The following SEMA3C variants were observed in gnomAD, a reference collection of about 807,000 sequenced individuals.
SEMA3C encodes the protein semaphorin 3C, also known as semaphorin-3C.
A neutral mutation model predicts 89.4 loss-of-function variants in SEMA3C; 47 were observed. The observed-to-expected ratio is 0.53, with a 90% CI of 0.42 to 0.67. The LOEUF (loss-of-function observed/expected upper bound fraction) is 0.67. Among genes scored for constraint, SEMA3C ranks in the 30% least tolerant of loss-of-function variants. The pLI is 0.00. For missense variants in SEMA3C, 839 were observed against 929.1 expected, an observed-to-expected ratio of 0.90 and a Z score of 1.26; for synonymous variants, 310 against 320.2, an observed-to-expected ratio of 0.97 and a Z score of 0.34.
At chr7:80,783,543 T>C (rs1208146062) in intron 12 of SEMA3C, among the ~76,000 whole-genome samples, 1 of 152,200 alleles carries the variant, frequency 6.6e-6, no homozygotes, top group African/African-American at 2.4e-5. Context: ...CTAGACATCC[T>C]CAGAGTGACA....
chr7:80,920,640 A>G (rs1792390396), upstream of SEMA3C, among the ~76,000 whole-genome samples: 1 of 152,230 alleles, frequency 6.6e-6, no homozygotes, highest in African/African-American at 2.4e-5. Context: ...ATACTATTCC[A>G]GGGCTAATAT....
At chr7:80,893,034 C>T (rs1791652339) in intron 2 of SEMA3C, among the ~76,000 whole-genome samples, 1 of 152,154 alleles carries the variant, frequency 6.6e-6, no homozygotes, top group Non-Finnish European at 1.5e-5. Context: ...ACCTCTTGTC[C>T]TTAAGCTCCT....
intron 4 of SEMA3C, among the ~76,000 whole-genome samples, chr7:80,825,088 TTAAG>T (rs954333331): frequency 2.6e-5 from 4 of 152,198 alleles, no homozygotes; most frequent in African/African-American, 9.6e-5. Context: ...TAAGAAGTTC[TTAAG>T]TATGTCGTTT....
At chr7:80,798,338 C>A in intron 10 of SEMA3C, 102 bp from the exon 11 acceptor site, 3 of 1,065,974 alleles carry the variant, frequency 2.8e-6, no homozygotes, top group South Asian at 5.4e-5. Flanking sequence ...ATATAATCCA[C>A]CATAGAAAAG....
chr7:80,752,711 T>C (rs1787965496), intron 15 of SEMA3C, among the ~76,000 whole-genome samples: 1 of 152,256 alleles, frequency 6.6e-6, no homozygotes, highest in African/African-American at 2.4e-5. Context: ...GAGTCTTAGA[T>C]TCACTAAGTA....
intron 11 of SEMA3C, among the ~76,000 whole-genome samples, chr7:80,789,914 A>G: frequency 6.6e-6 from 1 of 152,148 alleles, no homozygotes; most frequent in Admixed American, 6.5e-5. Context: ...AAATTATATT[A>G]TTATCATTAA....
At chr7:80,865,781 G>C (rs549897790) in intron 2 of SEMA3C, among the ~76,000 whole-genome samples, 1 of 152,016 alleles carries the variant, frequency 6.6e-6, no homozygotes, top group African/African-American at 2.4e-5. Context: ...ACAAAAGGGC[G>C]AGACTCCATC....
At chr7:80,814,043 CT>C (rs1384698147) in intron 5 of SEMA3C, among the ~76,000 whole-genome samples, 3 of 147,918 alleles carry the variant, frequency 2.0e-5, no homozygotes, top group Non-Finnish European at 4.5e-5. Context: ...CCAACATAGT[CT>C]TTTTTTCCCC....
At chr7:80,807,222 T>C (rs1789362649) in intron 6 of SEMA3C, among the ~76,000 whole-genome samples, 1 of 152,192 alleles carries the variant, frequency 6.6e-6, no homozygotes, top group Non-Finnish European at 1.5e-5. Context: ...AACTGTGGAT[T>C]ATACATTCCT....
In SEMA3C at chr7:80,877,074, G is replaced by A. The variant is rs528096029; in HGVS notation, c.103+39605C>T. On this transcript the variant is annotated intron_variant, in intron 2 of 17. Transcript: ENST00000265361. ...TCATGTTAGATGGTCACTAGTTAACGATAAGTGGTGGAGATTACTTTTCTG... is the reference window on the plus strand; with the variant it reads ...TCATGTTAGATGGTCACTAGTTAACAATAAGTGGTGGAGATTACTTTTCTG... 1.1e-4 allele frequency among the ~76,000 whole-genome samples: 17 copies of A among 152,300 alleles called. 2 individuals are homozygous for A. In the South Asian group the frequency reaches 3.3e-3, roughly 30 times the overall value.
intron 12 of SEMA3C, among the ~76,000 whole-genome samples, chr7:80,777,244 C>A (rs1171794954): frequency 3.3e-5 from 5 of 152,006 alleles, no homozygotes; most frequent in Non-Finnish European, 7.4e-5. Context: ...TATTCCCTAA[C>A]CTTTCATCCA....
chr7:80,896,982 G>A (rs1223381144), intron 2 of SEMA3C, among the ~76,000 whole-genome samples: 1 of 152,110 alleles, frequency 6.6e-6, no homozygotes, highest in Non-Finnish European at 1.5e-5. Context: ...TGTGTGGCAG[G>A]GTAGCAAGAC....
In SEMA3C at chr7:80,763,904, C is replaced by T. The variant is rs184671656; in HGVS notation, c.1443+1251G>A. Among the ~76,000 whole-genome samples the T allele has an allele frequency of 5.4e-3, 820 of 152,164 alleles. 10 individuals carry two copies. Among genetic ancestry groups the T allele is most frequent in the South Asian group, 0.027 (129 of 4,822 alleles). ...AAAGCACTTGTCTGAATATCATTGACGTCATTTTATGAGCCCGATTTTAAC... is the reference window on the plus strand; with the variant it reads ...AAAGCACTTGTCTGAATATCATTGATGTCATTTTATGAGCCCGATTTTAAC... On this transcript the variant is annotated intron_variant, in intron 13 of 17. Transcript: ENST00000265361.
intron 2 of SEMA3C, among the ~76,000 whole-genome samples, chr7:80,849,676 T>C (rs12707038): frequency 0.15 from 22,101 of 152,088 alleles, 1,659 homozygotes; most frequent in Middle Eastern, 0.18. Context: ...GAAGTTTAAG[T>C]ATAAAGTTAT....
chr7:80,906,010 G>C (rs1792006495), intron 2 of SEMA3C: 1 of 642,388 alleles, frequency 1.6e-6, no homozygotes, highest in African/African-American at 1.9e-5. Context: ...GGTGAGTAGA[G>C]AGCAAAAGAA....
intron 5 of SEMA3C, among the ~76,000 whole-genome samples, chr7:80,817,553 T>G (rs927570602): frequency 6.6e-6 from 1 of 152,262 alleles, no homozygotes. Flanking sequence ...TCAACAGCTG[T>G]GGACTGGGAT....
At chr7:80,905,316 GGGAGAGAGGGGGAGGGGT>G (rs1791986217) in intron 2 of SEMA3C, among the ~76,000 whole-genome samples, 1 of 80,044 alleles carries the variant, frequency 1.2e-5, no homozygotes, top group African/African-American at 5.0e-5. Flanking sequence ...GGGAGAGAGG[GGGAGAGAGGGGGAGGGGT>G]GGAGAGAGAG....
At chr7:80,856,795 A>T (rs972860539) in intron 2 of SEMA3C, among the ~76,000 whole-genome samples, 3 of 152,084 alleles carry the variant, frequency 2.0e-5, no homozygotes, top group Non-Finnish European at 4.4e-5. Flanking sequence ...ACCTAATCTT[A>T]AATCTGGGCC....
chr7:80,856,375 G>GA (rs1790640223), intron 2 of SEMA3C, among the ~76,000 whole-genome samples: 1 of 151,682 alleles, frequency 6.6e-6, no homozygotes, highest in Admixed American at 6.6e-5. Context: ...AAAGCAACAT[G>GA]AATATGAAAT....
Sources: gnomAD v4.1 joint callset for allele counts (sites outside exome capture counted in the v4.1 genomes callset) on GRCh38, gnomAD v4.1.1 for gene constraint, MANE v1.5 for transcripts, NCBI Gene and HGNC (gene_info 2026-07-23, HGNC 2026-07-21) for gene names.